The following OPCML variants were observed in gnomAD, a reference collection of about 807,000 sequenced individuals.
OPCML encodes the protein opioid-binding protein/cell adhesion molecule.
OPCML carries 13 observed loss-of-function variants against 37.8 expected under a neutral mutation model. The ratio of observed to expected loss-of-function variants is 0.34; its 90% confidence interval spans 0.22 to 0.55. The LOEUF (loss-of-function observed/expected upper bound fraction) is 0.55. Among genes scored for constraint, OPCML ranks in the 20% least tolerant of loss-of-function variants. The pLI, the probability that OPCML is intolerant of heterozygous loss-of-function variation, is 0.91. For synonymous variants in OPCML, 176 were observed against 168.8 expected, an observed-to-expected ratio of 1.04 and a Z score of -0.33; for missense variants, 341 against 435.6, an observed-to-expected ratio of 0.78 and a Z score of 1.93.
At chr11:132,942,674 A>G (rs1389912641) in intron 2 of OPCML, among the ~76,000 whole-genome samples, 1 of 152,180 alleles carries the variant, frequency 6.6e-6, no homozygotes, top group East Asian at 1.9e-4. Context: ...CGTGGCTTCA[A>G]AGAACCATGG....
At chr11:132,685,912 G>A (rs149646297) in intron 2 of OPCML, among the ~76,000 whole-genome samples, 9 of 152,092 alleles carry the variant, frequency 5.9e-5, no homozygotes, top group African/African-American at 9.7e-5. Context: ...GTGTAACTTC[G>A]GGTTTAATAC....
intron 1 of OPCML, among the ~76,000 whole-genome samples, chr11:133,425,827 A>G (rs1182509478): frequency 2.6e-5 from 4 of 152,210 alleles, no homozygotes; most frequent in Non-Finnish European, 5.9e-5. Context: ...ACTATTTTTA[A>G]TATTTTTCAC....
intron 1 of OPCML, among the ~76,000 whole-genome samples, chr11:133,517,571 C>A (rs1444446522): frequency 1.3e-5 from 2 of 152,224 alleles, no homozygotes; most frequent in African/African-American, 4.8e-5. Flanking sequence ...ACTGTACAGA[C>A]AGAAACCCAG....
chr11:133,129,391 T>A (rs968114247), intron 1 of OPCML, among the ~76,000 whole-genome samples: 7 of 152,116 alleles, frequency 4.6e-5, no homozygotes, highest in African/African-American at 1.4e-4. Context: ...GGATATTGGG[T>A]AGAGTACACC....
chr11:132,825,932 G>C (rs1940298347), intron 2 of OPCML, among the ~76,000 whole-genome samples: 1 of 152,178 alleles, frequency 6.6e-6, no homozygotes, highest in South Asian at 2.1e-4. Context: ...TTGTTTGCTT[G>C]TGTTTTTCTC....
intron 6 of OPCML, 116 bp downstream of exon 6, chr11:132,436,542 AT>A: frequency 2.7e-6 from 4 of 1,497,154 alleles, no homozygotes; most frequent in Non-Finnish European, 3.6e-6. Context: ...AAAAGAGGGC[AT>A]AGTATATTTC....
chr11:133,481,045 G>T (rs1029261755), intron 1 of OPCML, among the ~76,000 whole-genome samples: 1 of 152,190 alleles, frequency 6.6e-6, no homozygotes, highest in African/African-American at 2.4e-5. Context: ...TGTAGACATA[G>T]GTGGCAAAGA....
chr11:133,281,097 C>T (rs1942139872), intron 1 of OPCML, among the ~76,000 whole-genome samples: 1 of 152,168 alleles, frequency 6.6e-6, no homozygotes, highest in Non-Finnish European at 1.5e-5. Context: ...CCTCACTGGG[C>T]ATCACCCCTC....
At chr11:132,907,352 C>G (rs969821160) in intron 2 of OPCML, among the ~76,000 whole-genome samples, 1 of 152,018 alleles carries the variant, frequency 6.6e-6, no homozygotes, top group African/African-American at 2.4e-5. Flanking sequence ...CCTTTGTCTG[C>G]TTCAAGAAAT....
chr11:132,430,591 A>G (rs1457917585), intron 7 of OPCML, among the ~76,000 whole-genome samples: 1 of 152,200 alleles, frequency 6.6e-6, no homozygotes, highest in East Asian at 1.9e-4. Flanking sequence ...AACTCTGTGC[A>G]CAGATGTTGA....
intron 3 of OPCML, among the ~76,000 whole-genome samples, chr11:132,580,941 A>G (rs2096460897): frequency 6.6e-6 from 1 of 152,128 alleles, no homozygotes. Context: ...TGAGGGTAAG[A>G]TTTGATTAAA....
intron 1 of OPCML, among the ~76,000 whole-genome samples, chr11:133,340,898 G>A (rs1943854902): frequency 6.6e-6 from 1 of 152,062 alleles, no homozygotes; most frequent in Admixed American, 6.6e-5. Flanking sequence ...CTCTGCAAGG[G>A]CCACATAGCT....
At chr11:133,373,696 C>A (rs957529038) in intron 1 of OPCML, among the ~76,000 whole-genome samples, 3 of 151,392 alleles carry the variant, frequency 2.0e-5, no homozygotes, top group African/African-American at 7.3e-5. Context: ...TGAAAGTACA[C>A]CCAAACATCT....
At position 132,753,607 on chromosome 11, in the gene OPCML, C is replaced by T. The variant is rs185669065; in HGVS notation, c.147-96288G>A. On this transcript the variant is annotated intron_variant, in intron 2 of 7. Coordinates refer to ENST00000524381, the MANE Select transcript of OPCML (RefSeq NM_001012393.5). ...AATAGGTAGACAGACAGATAATAGA[C>T]AGACTTACATATACATATCTGCCTG... Among the ~76,000 whole-genome samples, 432 of 145,240 alleles carry T rather than the reference C, an allele frequency of 3.0e-3. 4 individuals carry two copies. The highest frequency in any genetic ancestry group is 0.011 in the African/African-American group (406 of 37,496).
intron 1 of OPCML, among the ~76,000 whole-genome samples, chr11:133,503,846 C>T (rs74563525): frequency 0.015 from 2,263 of 152,270 alleles, 61 homozygotes; most frequent in African/African-American, 0.051. Flanking sequence ...GGAAAGCAGA[C>T]CTGGCCCCAT....
chr11:133,140,898 C>CGAAGACGAA lies in OPCML; in HGVS notation c.62-197889_62-197888insTTCGTCTTC, dbSNP rs1336324682. ...AAGAAGACGACGACGACGACGAAGACGACGACGACGAAGAAGAAGAAGACG... is the reference window on the plus strand; with the variant it reads ...AAGAAGACGACGACGACGACGAAGACGAAGACGAAGACGACGACGAAGAAGAAGAAGACG... On this transcript the variant is annotated intron_variant, in intron 1 of 7. Coordinates refer to ENST00000524381, the MANE Select transcript of OPCML (RefSeq NM_001012393.5). Among the ~76,000 whole-genome samples the CGAAGACGAA allele has an allele frequency of 6.1e-4, 2 of 3,274 alleles. 1 individual carries two copies. The highest frequency in any genetic ancestry group is 8.1e-4 in the African/African-American group (2 of 2,470). The allele number at this position is 3,274 out of a possible 152,430, so 2.1% of individuals were successfully genotyped here.
At chr11:133,392,061 G>A (rs1592259798) in intron 1 of OPCML, among the ~76,000 whole-genome samples, 1 of 152,288 alleles carries the variant, frequency 6.6e-6, no homozygotes, top group East Asian at 1.9e-4. Flanking sequence ...TAATATGCAT[G>A]TGATATGCAA....
At chr11:133,519,206 CCTAA>C (rs1948351636) in intron 1 of OPCML, among the ~76,000 whole-genome samples, 1 of 152,196 alleles carries the variant, frequency 6.6e-6, no homozygotes, top group Admixed American at 6.5e-5. Context: ...CCACTTTCTT[CCTAA>C]CTTTCTGCCT....
At chr11:132,965,508 CGTTGTT>C (rs773318879) in intron 1 of OPCML, among the ~76,000 whole-genome samples, 1 of 151,798 alleles carries the variant, frequency 6.6e-6, no homozygotes, top group African/African-American at 2.4e-5. Context: ...ATATTTTTGT[CGTTGTT>C]GTTGTTGTTT....
Sources: allele counts gnomAD v4.1 joint callset (sites outside exome capture counted in the v4.1 genomes callset), GRCh38; gene constraint gnomAD v4.1.1; transcripts MANE v1.5; gene names NCBI Gene and HGNC (gene_info 2026-07-23, HGNC 2026-07-21).